Variants in KCNH5 observed in about 807,000 individuals in gnomAD.
The protein encoded by KCNH5 is potassium voltage-gated channel subfamily H member 5.
In KCNH5, 46 loss-of-function variants were observed where a neutral mutation model predicts 96.1. That is an observed-to-expected ratio of 0.48 (90% CI 0.38 to 0.61). KCNH5 has a LOEUF of 0.61. Ranked by LOEUF, KCNH5 falls within the 20% of genes least tolerant of loss-of-function variation. KCNH5 has a pLI of 0.00. For synonymous variants in KCNH5, 439 were observed against 449.8 expected (o/e 0.98, Z 0.30); for missense variants, 907 against 1,225.8 (o/e 0.74, Z 3.88).
intron 9 of KCNH5, among the ~76,000 whole-genome samples, chr14:62,795,564 A>G (rs372980973): frequency 2.0e-5 from 3 of 152,272 alleles, no homozygotes; most frequent in African/African-American, 4.8e-5. Flanking sequence ...CATTTTACGT[A>G]AGGGACTTCA....
intron 7 of KCNH5, among the ~76,000 whole-genome samples, chr14:62,882,258 T>C (rs888409984): frequency 2.0e-5 from 3 of 151,980 alleles, no homozygotes; most frequent in Non-Finnish European, 4.4e-5. Context: ...GTGATACCTG[T>C]CTCAAAAATA....
rs751426198 is a variant in KCNH5 at position 62,983,755 on chromosome 14, A to C, written c.550-2491T>G. Among the ~76,000 whole-genome samples, 174 of 152,170 alleles carry C rather than the reference A, an allele frequency of 1.1e-3. 5 individuals carry two copies. Among genetic ancestry groups the C allele is most frequent in the Admixed American group, 2.6e-4 (4 of 15,274 alleles). On this transcript the variant is annotated intron_variant, in intron 5 of 10. Transcript: ENST00000322893. ...CTTATACCTAGACTCCACCCTGGAG[A>C]ATGATTAAATTGGTCTTGTTTGGGT...
At chr14:62,738,100 T>A (rs555527812) in intron 10 of KCNH5, among the ~76,000 whole-genome samples, 1 of 152,022 alleles carries the variant, frequency 6.6e-6, no homozygotes, top group African/African-American at 2.4e-5. Context: ...AAAATAAAGA[T>A]CATTTGAACA....
intron 7 of KCNH5, among the ~76,000 whole-genome samples, chr14:62,853,580 T>C (rs1455567562): frequency 6.6e-6 from 1 of 150,434 alleles, no homozygotes; most frequent in Non-Finnish European, 1.5e-5. Flanking sequence ...TGCTTCAGTA[T>C]ACATCTTCTT....
intron 7 of KCNH5, among the ~76,000 whole-genome samples, chr14:62,936,915 AGGTTGG>A (rs546764741): frequency 1.1e-3 from 141 of 129,868 alleles, no homozygotes; most frequent in Non-Finnish European, 1.8e-3. Context: ...CAGGAGGCAG[AGGTTGG>A]GGTGAGTGGA....
chr14:62,801,499 A>ATTTT (rs35409070), intron 9 of KCNH5, among the ~76,000 whole-genome samples: 46 of 108,854 alleles, frequency 4.2e-4, no homozygotes, highest in Non-Finnish European at 7.0e-4. Flanking sequence ...TCATTTGGCA[A>ATTTT]TTTTTTTTTT....
intron 4 of KCNH5, among the ~76,000 whole-genome samples, chr14:62,999,966 ACT>A (rs1308914194): frequency 6.6e-6 from 1 of 152,130 alleles, no homozygotes; most frequent in Non-Finnish European, 1.5e-5. Flanking sequence ...TTTCCCAGGC[ACT>A]GAGTCTATGT....
intron 7 of KCNH5, among the ~76,000 whole-genome samples, chr14:62,851,741 A>G (rs1031208829): frequency 6.6e-6 from 1 of 152,142 alleles, no homozygotes; most frequent in African/African-American, 2.4e-5. Flanking sequence ...GTGCTCAGCT[A>G]TCATAAATTG....
intron 9 of KCNH5, among the ~76,000 whole-genome samples, chr14:62,781,639 C>T (rs1886219609): frequency 6.6e-6 from 1 of 152,194 alleles, no homozygotes; most frequent in Non-Finnish European, 1.5e-5. Flanking sequence ...GATATTTCTC[C>T]CATTTGCTTT....
Position 62,817,107 on chromosome 14 carries a change from TATGAC to T in KCNH5, c.1570-14531_1570-14527del, listed in dbSNP as rs1226376755. ...ATATTATATATTATATATAATTATA[TATGAC>T]ATAATATATTTATTATAATATATAA... On this transcript the variant is annotated intron_variant, in intron 8 of 10. Transcript: ENST00000322893. 2.2e-3 allele frequency among the ~76,000 whole-genome samples: 308 copies of T among 137,816 alleles called. 6 individuals carry two copies. Among genetic ancestry groups the T allele is most frequent in the East Asian group, 4.5e-3 (22 of 4,916 alleles). The allele number at this position is 137,816 out of a possible 152,430, so 90.4% of individuals were successfully genotyped here. A position where few individuals can be genotyped will look rare whatever the true frequency, so the allele number is the denominator to read the frequency against.
At chr14:62,764,238 G>T (rs575392477) in intron 10 of KCNH5, among the ~76,000 whole-genome samples, 7 of 152,228 alleles carry the variant, frequency 4.6e-5, no homozygotes, top group Non-Finnish European at 7.4e-5. Flanking sequence ...CAATAAATGT[G>T]ATTCATTACA....
intron 8 of KCNH5, among the ~76,000 whole-genome samples, chr14:62,834,917 C>T (rs376608064): frequency 2.0e-5 from 3 of 152,008 alleles, no homozygotes; most frequent in Admixed American, 6.6e-5. Context: ...GACCATATAA[C>T]CCATAAAAGC....
intron 9 of KCNH5, among the ~76,000 whole-genome samples, chr14:62,786,109 T>C (rs1241480799): frequency 1.3e-5 from 2 of 152,114 alleles, no homozygotes; most frequent in Non-Finnish European, 2.9e-5. Flanking sequence ...GAGAATGGCT[T>C]GAACCCAGGA....
chr14:62,727,670 G>A (rs1884959195), intron 10 of KCNH5, among the ~76,000 whole-genome samples: 1 of 149,610 alleles, frequency 6.7e-6, no homozygotes. Context: ...TTAATTCAGT[G>A]TATTATAATT....
At chr14:62,827,072 T>C (rs1362969553) in intron 8 of KCNH5, among the ~76,000 whole-genome samples, 1 of 151,958 alleles carries the variant, frequency 6.6e-6, no homozygotes, top group Non-Finnish European at 1.5e-5. Context: ...AGAATAAATA[T>C]AGAAGAGTAA....
intron 6 of KCNH5, among the ~76,000 whole-genome samples, chr14:62,959,500 C>T (rs962503615): frequency 3.3e-5 from 5 of 151,812 alleles, no homozygotes; most frequent in African/African-American, 1.2e-4. Flanking sequence ...AAGGTCCACA[C>T]TTTGTGCTTT....
intron 10 of KCNH5, among the ~76,000 whole-genome samples, chr14:62,711,243 A>G (rs980966812): frequency 5.3e-5 from 8 of 151,916 alleles, no homozygotes; most frequent in Admixed American, 5.2e-4. Flanking sequence ...CCCCCAACCA[A>G]GAACAAACAA....
chr14:63,028,082 T>C lies in KCNH5; in HGVS notation c.74-11128A>G, dbSNP rs1293406475. Reference sequence around the variant, plus strand: ...ACCTTACAATTTTAAAAGCATGCTTTAAACAACTCTGCAAAGGCTTTACAA... The same window carrying C: ...ACCTTACAATTTTAAAAGCATGCTTCAAACAACTCTGCAAAGGCTTTACAA... On this transcript the variant is annotated intron_variant, in intron 1 of 10. Coordinates refer to ENST00000322893, the MANE Select transcript of KCNH5 (RefSeq NM_139318.5). 6.6e-5 allele frequency among the ~76,000 whole-genome samples: 10 copies of C among 152,182 alleles called. No individual in the cohort carries two copies. The East Asian group carries it at 1.9e-3, about 29-fold the overall frequency.
intron 7 of KCNH5, among the ~76,000 whole-genome samples, chr14:62,915,341 G>A (rs1199333930): frequency 1.3e-5 from 2 of 152,122 alleles, no homozygotes; most frequent in Non-Finnish European, 2.9e-5. Context: ...AGGTCTATAA[G>A]GTTCCAAAAC....
Sources: gnomAD v4.1 joint callset for allele counts (sites outside exome capture counted in the v4.1 genomes callset) on GRCh38, gnomAD v4.1.1 for gene constraint, MANE v1.5 for transcripts, NCBI Gene and HGNC (gene_info 2026-07-23, HGNC 2026-07-21) for gene names.